Variants in PHF24 observed in about 807,000 individuals in gnomAD.
PHF24 encodes the protein Galpha inhibitory interacting protein.
Under a neutral mutation model 42.6 loss-of-function variants are expected in PHF24, and 25 were observed. The observed-to-expected ratio is 0.59, with a 90% CI of 0.43 to 0.82. The LOEUF (loss-of-function observed/expected upper bound fraction) is 0.82, where lower values mean the gene tolerates loss of function less well. Among genes scored for constraint, PHF24 ranks in the 40% least tolerant of loss-of-function variants. The probability of loss-of-function intolerance (pLI) is 0.00; values close to 1 mark genes in which losing one functional copy is unlikely to be tolerated. For missense variants in PHF24, 470 were observed against 538.1 expected (o/e 0.87, Z 1.25); for synonymous variants, 185 against 204.8 (o/e 0.90, Z 0.83).
chr9:34,730,779 G>T, the PHF24 span, among the ~76,000 whole-genome samples: 1 of 152,212 alleles, frequency 6.6e-6, no homozygotes, highest in Non-Finnish European at 1.5e-5. Flanking sequence ...AACAGTGCAG[G>T]TTGTGGGTAA....
chr9:34,922,530 T>G, the PHF24 span: 6 of 1,035,052 alleles, frequency 5.8e-6, no homozygotes, highest in Middle Eastern at 6.0e-4. Context: ...AGCGGCAACC[T>G]CAGCCAAGTA....
At chr9:34,847,811 G>C in the PHF24 span, among the ~76,000 whole-genome samples, 12 of 152,090 alleles carry the variant, frequency 7.9e-5, no homozygotes, top group African/African-American at 2.9e-4. Context: ...TTAGCATGAA[G>C]CGTTGTTGAA....
chr9:34,783,327 G>A, the PHF24 span, among the ~76,000 whole-genome samples: 1 of 152,050 alleles, frequency 6.6e-6, no homozygotes, highest in African/African-American at 2.4e-5. Context: ...TCTCTTCTCC[G>A]GACTCTTAAT....
At chr9:34,832,785 C>T in the PHF24 span, 7 of 1,551,168 alleles carry the variant, frequency 4.5e-6, no homozygotes, top group Non-Finnish European at 5.2e-6. Context: ...AGTTGGTTGG[C>T]TCAGGAAAGG....
the PHF24 span, among the ~76,000 whole-genome samples, chr9:34,672,729 A>C: frequency 6.6e-6 from 1 of 152,214 alleles, no homozygotes; most frequent in African/African-American, 2.4e-5. Flanking sequence ...CAGAGCCCTC[A>C]TGACCCAATC....
intron 3 of PHF24, among the ~76,000 whole-genome samples, chr9:34,975,543 A>G (rs573805687): frequency 1.5e-4 from 23 of 152,302 alleles, no homozygotes; most frequent in Admixed American, 4.6e-4. Flanking sequence ...CGTCAACACA[A>G]TAAGATATTG....
At chr9:34,785,503 TCTC>T in the PHF24 span, among the ~76,000 whole-genome samples, 1 of 152,230 alleles carries the variant, frequency 6.6e-6, no homozygotes, top group African/African-American at 2.4e-5. Context: ...GAATAGATGT[TCTC>T]CTCTGAAGTC....
the PHF24 span, among the ~76,000 whole-genome samples, chr9:34,700,287 A>G: frequency 5.9e-5 from 9 of 152,162 alleles, no homozygotes; most frequent in African/African-American, 1.4e-4. Flanking sequence ...TGTTGAATGG[A>G]GAGTAGATCA....
chr9:34,903,361 G>A, the PHF24 span, among the ~76,000 whole-genome samples: 36 of 152,206 alleles, frequency 2.4e-4, no homozygotes, highest in Non-Finnish European at 4.6e-4. Flanking sequence ...GAGGCTAGGA[G>A]TTCAAAACCA....
At chr9:34,901,074 T>G in the PHF24 span, among the ~76,000 whole-genome samples, 3 of 152,240 alleles carry the variant, frequency 2.0e-5, no homozygotes, top group Non-Finnish European at 4.4e-5. Flanking sequence ...AAATTGCATT[T>G]GTAGTTTAAA....
the PHF24 span, among the ~76,000 whole-genome samples, chr9:34,908,032 G>A: frequency 2.6e-5 from 4 of 151,996 alleles, no homozygotes; most frequent in African/African-American, 9.7e-5. Flanking sequence ...TAGTAGAGAT[G>A]GGGCTTCATC....
the PHF24 span, among the ~76,000 whole-genome samples, chr9:34,937,596 T>C: frequency 6.7e-6 from 1 of 150,062 alleles, no homozygotes; most frequent in African/African-American, 2.5e-5. Context: ...ACTATTGTCC[T>C]GTGACCCTGC....
At chr9:34,835,880 T>A in the PHF24 span, 1 of 1,050,248 alleles carries the variant, frequency 9.5e-7, no homozygotes, top group East Asian at 2.6e-5. Flanking sequence ...AGAGACAAGA[T>A]CTCTAGGCAA....
At chr9:34,908,263 G>A in the PHF24 span, among the ~76,000 whole-genome samples, 1 of 152,170 alleles carries the variant, frequency 6.6e-6, no homozygotes, top group African/African-American at 2.4e-5. Flanking sequence ...GGATATTTTA[G>A]GCTCCATTTA....
At chr9:34,755,892 T>C in the PHF24 span, among the ~76,000 whole-genome samples, 1 of 152,212 alleles carries the variant, frequency 6.6e-6, no homozygotes, top group African/African-American at 2.4e-5. Flanking sequence ...GTCTATTCAC[T>C]CTGTTGATTA....
At chr9:34,689,079 C>A in the PHF24 span, among the ~76,000 whole-genome samples, 7 of 152,112 alleles carry the variant, frequency 4.6e-5, no homozygotes, top group African/African-American at 1.7e-4. The surrounding 1 kb of genome is among the most constrained non-coding windows in gnomAD (Gnocchi z 4.1). Flanking sequence ...GTGTGCCAGA[C>A]CAAGGGAAGG....
chr9:34,828,949 G>A, the PHF24 span, among the ~76,000 whole-genome samples: 225 of 11,174 alleles, frequency 0.02, 1 homozygote, highest in African/African-American at 0.065. Flanking sequence ...CTATATCTAT[G>A]TCTGTCTGTC....
chr9:34,756,726 G>T, the PHF24 span, among the ~76,000 whole-genome samples: 5 of 151,900 alleles, frequency 3.3e-5, no homozygotes, highest in Non-Finnish European at 4.4e-5. Context: ...AAATTTTAAG[G>T]GTTTTTTTTC....
upstream of PHF24, among the ~76,000 whole-genome samples, chr9:34,953,123 G>A (rs2132823357): frequency 6.6e-6 from 1 of 152,288 alleles, no homozygotes; most frequent in East Asian, 1.9e-4. This position sits in a 1 kb window ranked among gnomAD's most constrained non-coding sequence, Gnocchi z 4.1. Flanking sequence ...TGGATAAACT[G>A]GACTTCATCA....
Sources: allele counts gnomAD v4.1 joint callset (sites outside exome capture counted in the v4.1 genomes callset), GRCh38; gene constraint gnomAD v4.1.1; non-coding constraint Gnocchi (gnomAD v3.1); transcripts MANE v1.5; gene names NCBI Gene and HGNC (gene_info 2026-07-23, HGNC 2026-07-21).